The following BCL7A variants were observed in gnomAD, a reference collection of about 807,000 sequenced individuals.
BCL7A encodes the protein B-cell CLL/lymphoma 7 protein family member A.
BCL7A carries 11 observed loss-of-function variants against 28.4 expected under a neutral mutation model. That is an observed-to-expected ratio of 0.39 (90% CI 0.24 to 0.64). The LOEUF (loss-of-function observed/expected upper bound fraction) is 0.64. Among genes scored for constraint, BCL7A ranks in the 30% least tolerant of loss-of-function variants. The pLI is 0.50. For missense variants in BCL7A, 222 were observed against 274.8 expected, an observed-to-expected ratio of 0.81 and a Z score of 1.36; for synonymous variants, 123 against 103.3, an observed-to-expected ratio of 1.19 and a Z score of -1.15.
At chr12:122,039,072 A>G (rs533673158) in intron 3 of BCL7A, among the ~76,000 whole-genome samples, 10 of 152,156 alleles carry the variant, frequency 6.6e-5, no homozygotes, top group African/African-American at 1.9e-4. Flanking sequence ...CAAGGCGGGC[A>G]GATCATGAGG....
intron 4 of BCL7A, among the ~76,000 whole-genome samples, chr12:122,053,817 G>C (rs1884249679): frequency 6.6e-6 from 1 of 152,084 alleles, no homozygotes; most frequent in South Asian, 2.1e-4. Flanking sequence ...TGATGGAATG[G>C]TGTGCGGCCA....
chr12:122,057,546 C>G (rs941400954), intron 5 of BCL7A, among the ~76,000 whole-genome samples: 1 of 152,166 alleles, frequency 6.6e-6, no homozygotes, highest in Admixed American at 6.5e-5. Flanking sequence ...GGGGTGCGGG[C>G]GGAGAGGTGG....
At chr12:122,043,590 T>C (rs1301945665) in intron 3 of BCL7A, among the ~76,000 whole-genome samples, 1 of 151,940 alleles carries the variant, frequency 6.6e-6, no homozygotes, top group East Asian at 1.9e-4. Flanking sequence ...CTGGCCAACA[T>C]GGTGAAACCC....
At chr12:122,039,169 T>C (rs529594684) in intron 3 of BCL7A, among the ~76,000 whole-genome samples, 86 of 151,716 alleles carry the variant, frequency 5.7e-4, no homozygotes, top group Middle Eastern at 3.4e-3. Context: ...TGGTGGCTGG[T>C]GCCTGTAGTC....
Position 122,061,583 on chromosome 12 carries a change from C to A in BCL7A, c.*2420C>A. On this transcript the variant is annotated 3_prime_UTR_variant, in exon 6 of 6. Transcript: ENST00000261822. The stretch of plus-strand genomic sequence containing the variant: ...CCACCCACCCTGCACCCCTCGCCCT[C>A]CCCCCACCACAGAATCTAAGACCTT... 4.6e-6 allele frequency: 1 copy of A among 217,938 alleles called. No individual in the cohort carries two copies. Among genetic ancestry groups the A allele is most frequent in the Non-Finnish European group, 9.2e-6 (1 of 108,894 alleles). 13.5% of individuals were successfully genotyped at this position (217,938 alleles called of 1,614,324 possible). A position where few individuals can be genotyped will look rare whatever the true frequency, so the allele number is the denominator to read the frequency against.
At position 122,043,883 on chromosome 12, in the gene BCL7A, C is replaced by A; in HGVS notation, c.272-3C>A. 1 of 1,611,092 alleles carries A rather than the reference C, an allele frequency of 6.2e-7. No homozygotes were observed. Among genetic ancestry groups the A allele is most frequent in the Non-Finnish European group, 8.5e-7 (1 of 1,178,652 alleles). On this transcript the variant is annotated splice_polypyrimidine_tract_variant and splice_region_variant and intron_variant, in intron 3 of 5. Coordinates refer to ENST00000261822, the MANE Select transcript of BCL7A (RefSeq NM_001024808.3). ...CCTGTGGTTCTGTTCCCACCCCCTA[C>A]AGACGATAACAGCAACCAGAGCTCC...
In BCL7A at chr12:122,053,879, C is replaced by T. The variant is rs561803205; in HGVS notation, c.440-926C>T. ...CCTTTAAAGACATGAAGAATTCCTC[C>T]GAAATACCACATGACCCCCATTTGG... is the stretch of plus-strand genomic sequence containing the variant. On this transcript the variant is annotated intron_variant, in intron 4 of 5. Coordinates refer to ENST00000261822, the MANE Select transcript of BCL7A (RefSeq NM_001024808.3). 2.0e-5 allele frequency among the ~76,000 whole-genome samples: 3 copies of T among 152,164 alleles called. No individual in the cohort carries two copies. The South Asian group carries it at 6.2e-4, about 32-fold the overall frequency.
chr12:122,022,551 T>A (rs1333126687), intron 1 of BCL7A, among the ~76,000 whole-genome samples: 26 of 139,276 alleles, frequency 1.9e-4, no homozygotes, highest in African/African-American at 2.6e-5. Flanking sequence ...GCAAGTCACA[T>A]GAAAGCGGCT....
chr12:122,057,149 G>A (rs569716158), intron 5 of BCL7A, among the ~76,000 whole-genome samples: 1 of 152,226 alleles, frequency 6.6e-6, no homozygotes, highest in East Asian at 1.9e-4. Context: ...TGTGGCTGGC[G>A]TCAGCAGGGA....
intron 1 of BCL7A, among the ~76,000 whole-genome samples, chr12:122,025,024 C>T (rs1344158076): frequency 1.4e-5 from 2 of 148,030 alleles, no homozygotes; most frequent in African/African-American, 2.5e-5. Context: ...GCCTCCTGTT[C>T]TCTTTTTCTG....
intron 3 of BCL7A, among the ~76,000 whole-genome samples, chr12:122,042,119 G>C (rs1883975536): frequency 6.6e-6 from 1 of 152,040 alleles, no homozygotes. Context: ...TGCAGGACAA[G>C]GGGAGGTGCA....
intron 2 of BCL7A, among the ~76,000 whole-genome samples, chr12:122,031,929 A>C (rs1883753974): frequency 6.6e-6 from 1 of 152,174 alleles, no homozygotes; most frequent in Non-Finnish European, 1.5e-5. Flanking sequence ...TCTGCCCCAT[A>C]GGCCTTTGCC....
In BCL7A at chr12:122,022,142, T is replaced by A. The variant is rs763960478; in HGVS notation, c.51T>A (p.Asp17Glu). ...RAETRSRAKD[D>E]IKRVMAAIEK... is the part of the protein sequence containing the mutation. ...AGACGAGGAGCCGGGCCAAAGATGA[T>A]ATCAAGAGGGTCATGGCGGCGATCG... The change falls in exon 1 of 6, where the codon GAT (aspartate) becomes GAA (glutamate). Residue 17 changes from aspartate (D) to glutamate (E), a missense_variant. Asp to Glu is a conservative substitution (Grantham distance 45). Coordinates refer to ENST00000261822, the MANE Select transcript of BCL7A (RefSeq NM_001024808.3). 3 of 1,579,178 alleles carry A rather than the reference T, an allele frequency of 1.9e-6. No individual in the cohort carries two copies. The highest frequency in any genetic ancestry group is 1.7e-4 in the Middle Eastern group (1 of 5,840).
At chr12:122,050,612 G>C (rs773843347) in intron 4 of BCL7A, among the ~76,000 whole-genome samples, 3 of 152,166 alleles carry the variant, frequency 2.0e-5, no homozygotes, top group East Asian at 3.9e-4. Flanking sequence ...CTCACCAGCT[G>C]TGTGGGCCTG....
intron 3 of BCL7A, among the ~76,000 whole-genome samples, chr12:122,040,693 CAG>C (rs374089167): frequency 6.6e-6 from 1 of 152,024 alleles, no homozygotes; most frequent in African/African-American, 2.4e-5. Flanking sequence ...AGTCAGACTG[CAG>C]AGTGTGTAAA....
Position 122,022,109 on chromosome 12 carries a change from T to G in BCL7A, c.18T>G (p.Val6=), listed in dbSNP as rs1436599680. 1.3e-6 allele frequency: 2 copies of G among 1,572,708 alleles called. No homozygotes were observed. Among genetic ancestry groups the G allele is most frequent in the Non-Finnish European group, 1.7e-6 (2 of 1,159,158 alleles). MSGRS[V]RAETRSRAKD... ...CCGGAACCATGTCGGGCAGGTCGGT[T>G]CGAGCCGAGACGAGGAGCCGGGCCA... Residue 6 remains valine (V), a synonymous_variant, in exon 1 of 6, where the codon GTT becomes GTG. Transcript: ENST00000261822.
At chr12:122,037,027 T>C (rs1275864075) in intron 3 of BCL7A, among the ~76,000 whole-genome samples, 1 of 152,198 alleles carries the variant, frequency 6.6e-6, no homozygotes, top group Non-Finnish European at 1.5e-5. Flanking sequence ...AAAAATTAAG[T>C]TGGTTTTCCG....
rs1883692175 is a variant in BCL7A, at chr12:122,029,288, G to C, written c.93-1412G>C. Among the ~76,000 whole-genome samples, 1 of 152,150 alleles carries C rather than the reference G, an allele frequency of 6.6e-6. No homozygotes were observed. On this transcript the variant is annotated intron_variant, in intron 1 of 5. Coordinates refer to ENST00000261822, the MANE Select transcript of BCL7A (RefSeq NM_001024808.3). This position sits in a 1 kb window ranked among gnomAD's most constrained non-coding sequence, Gnocchi z 4.3. ...TGATGGAACACGTGGGACCCGAGCG[G>C]GCAGGGTTTTTGGGGGTGAGGTGTC...
intron 1 of BCL7A, among the ~76,000 whole-genome samples, chr12:122,023,082 G>A (rs537109119): frequency 3.3e-5 from 5 of 152,292 alleles, no homozygotes; most frequent in Admixed American, 2.6e-4. Context: ...TCACATTAGC[G>A]TCCGCCCGGC....
Sources: allele counts gnomAD v4.1 joint callset (sites outside exome capture counted in the v4.1 genomes callset), GRCh38; gene constraint gnomAD v4.1.1; non-coding constraint Gnocchi (gnomAD v3.1); transcripts MANE v1.5; gene names NCBI Gene and HGNC (gene_info 2026-07-23, HGNC 2026-07-21).